TMEM38B: variants seen among roughly 807,000 people sequenced by gnomAD.
The protein encoded by TMEM38B is transmembrane protein 38B.
In TMEM38B, 24 loss-of-function variants were observed where a neutral mutation model predicts 28.7. That is an observed-to-expected ratio of 0.84 (90% CI 0.61 to 1.18). The LOEUF is 1.18. Among genes scored for constraint, TMEM38B ranks in the 50% most tolerant of loss-of-function variants. TMEM38B has a pLI of 0.00. For synonymous variants in TMEM38B, 131 were observed against 127.7 expected (o/e 1.03, Z -0.17); for missense variants, 380 against 350.9 (o/e 1.08, Z -0.66).
At chr9:105,704,170 C>T (rs1835561612) in intron 1 of TMEM38B, among the ~76,000 whole-genome samples, 1 of 151,902 alleles carries the variant, frequency 6.6e-6, no homozygotes, top group Non-Finnish European at 1.5e-5. Flanking sequence ...CAGCATGGCA[C>T]ATGTATACAT....
intron 4 of TMEM38B, among the ~76,000 whole-genome samples, chr9:105,743,750 T>G (rs2133610445): frequency 6.6e-6 from 1 of 152,306 alleles, no homozygotes; most frequent in East Asian, 1.9e-4. Context: ...AGTATTTACA[T>G]CATGGAAATG....
In TMEM38B at chr9:105,696,687, A is replaced by G. The variant is rs74916393; in HGVS notation, c.112+1915A>G. 4.7e-3 allele frequency among the ~76,000 whole-genome samples: 711 copies of G among 152,350 alleles called. 11 individuals are homozygous for G. The East Asian group carries it at 0.064, about 14-fold the overall frequency. On this transcript the variant is annotated intron_variant, in intron 1 of 5. Coordinates refer to ENST00000374692, the MANE Select transcript of TMEM38B (RefSeq NM_018112.3). ...TAAAAGGGACTTAAGAACAGAAGCCATGTCTTGGGTGGCCCCAAGGAGATG... is the reference window on the plus strand; with the variant it reads ...TAAAAGGGACTTAAGAACAGAAGCCGTGTCTTGGGTGGCCCCAAGGAGATG...
intron 5 of TMEM38B, among the ~76,000 whole-genome samples, chr9:105,771,146 T>A (rs1826530384): frequency 6.6e-6 from 1 of 152,204 alleles, no homozygotes; most frequent in African/African-American, 2.4e-5. Context: ...ATCTCCTTTT[T>A]AAGTAAGAGA....
chr9:105,702,070 A>G (rs968525390), intron 1 of TMEM38B, among the ~76,000 whole-genome samples: 2 of 152,182 alleles, frequency 1.3e-5, no homozygotes, highest in Non-Finnish European at 2.9e-5. Flanking sequence ...AAAAAAATTT[A>G]AAAACCAAAA....
intron 5 of TMEM38B, among the ~76,000 whole-genome samples, chr9:105,763,766 G>A (rs1360106210): frequency 6.6e-6 from 1 of 151,972 alleles, no homozygotes; most frequent in Non-Finnish European, 1.5e-5. Flanking sequence ...AAGCTGGGCA[G>A]AGACACAACC....
At chr9:105,706,811 A>G (rs1835686883) in intron 2 of TMEM38B, among the ~76,000 whole-genome samples, 1 of 152,024 alleles carries the variant, frequency 6.6e-6, no homozygotes, top group African/African-American at 2.4e-5. Flanking sequence ...AAGCAGAGGA[A>G]AACTTTTTTT....
intron 4 of TMEM38B, among the ~76,000 whole-genome samples, chr9:105,736,638 G>A (rs886331490): frequency 6.6e-6 from 1 of 152,130 alleles, no homozygotes; most frequent in Non-Finnish European, 1.5e-5. Flanking sequence ...GAGAATTACT[G>A]TGTTTCTTTT....
intron 1 of TMEM38B, among the ~76,000 whole-genome samples, chr9:105,699,702 A>G (rs1835401504): frequency 6.7e-6 from 1 of 149,512 alleles, no homozygotes; most frequent in South Asian, 2.1e-4. Context: ...CATAAAAGAC[A>G]TCAGGTAATA....
At chr9:105,729,979 T>A (rs1166907847) in intron 4 of TMEM38B, among the ~76,000 whole-genome samples, 1 of 152,226 alleles carries the variant, frequency 6.6e-6, no homozygotes, top group East Asian at 1.9e-4. Context: ...GATTTTAGGC[T>A]GAGACGATGG....
chr9:105,747,103 A>G (rs1179988621), intron 4 of TMEM38B, among the ~76,000 whole-genome samples: 8 of 152,090 alleles, frequency 5.3e-5, no homozygotes, highest in Non-Finnish European at 1.2e-4. Flanking sequence ...AATGAGTTAG[A>G]GAGGATTCCC....
intron 1 of TMEM38B, among the ~76,000 whole-genome samples, chr9:105,704,169 A>G (rs140911069): frequency 0.01 from 1,552 of 152,160 alleles, 26 homozygotes; most frequent in African/African-American, 0.035. Flanking sequence ...CCAGCATGGC[A>G]CATGTATACA....
intron 4 of TMEM38B, among the ~76,000 whole-genome samples, chr9:105,742,040 G>T (rs1837226151): frequency 6.6e-6 from 1 of 152,202 alleles, no homozygotes; most frequent in Non-Finnish European, 1.5e-5. Context: ...TGCATACACA[G>T]GAGACCCACT....
At position 105,748,125 on chromosome 9, in the gene TMEM38B, C is replaced by A; in HGVS notation, c.595C>A (p.Gln199Lys). 1 of 1,613,656 alleles carries A rather than the reference C, an allele frequency of 6.2e-7. No homozygotes were observed. Among genetic ancestry groups the A allele is most frequent in the Non-Finnish European group, 8.5e-7 (1 of 1,179,720 alleles). The change falls in exon 5 of 6, where the codon CAG becomes AAG. Residue 199 changes from glutamine to lysine, a missense_variant. Gln to Lys is a moderately conservative substitution (Grantham distance 53, BLOSUM62 1). Coordinates refer to ENST00000374692, the MANE Select transcript of TMEM38B (RefSeq NM_018112.3). ...AGTTATCTTCACATTCCAGCACACC[C>A]AGCATCTGGCAATATCAAAGCATAA... The part of the protein sequence containing the change: ...GSVIFTFQHT[Q>K]HLAISKHNLM...
intron 5 of TMEM38B, among the ~76,000 whole-genome samples, chr9:105,750,410 G>GGT (rs1315946711): frequency 3.3e-5 from 5 of 152,148 alleles, no homozygotes; most frequent in Non-Finnish European, 4.4e-5. Flanking sequence ...GATCACCTGA[G>GGT]GTCAGGAGTT....
chr9:105,774,176 C>CTA lies in TMEM38B; in HGVS notation c.*104_*105dup, dbSNP rs2133660765. 1 of 988,402 alleles carries CTA rather than the reference C, an allele frequency of 1.0e-6. No homozygotes were observed. The highest frequency in any genetic ancestry group is 1.5e-6 in the Non-Finnish European group (1 of 669,436). 61.2% of individuals were successfully genotyped at this position (988,402 alleles called of 1,614,324 possible). A position where few individuals can be genotyped will look rare whatever the true frequency, so the allele number is the denominator to read the frequency against. The stretch of plus-strand genomic sequence containing the variant: ...CTATGTATGTGATGTGAAATGAAGA[C>CTA]TATATATATGGAATGGAGGTGACAG... On this transcript the variant is annotated 3_prime_UTR_variant, in exon 6 of 6. Transcript: ENST00000374692.
At chr9:105,741,836 G>A (rs529958866) in intron 4 of TMEM38B, among the ~76,000 whole-genome samples, 2 of 152,338 alleles carry the variant, frequency 1.3e-5, no homozygotes, top group South Asian at 4.1e-4. Flanking sequence ...TATTGAGATT[G>A]CAAAGTTGAT....
chr9:105,764,767 A>G (rs1826306102), intron 5 of TMEM38B, among the ~76,000 whole-genome samples: 2 of 151,444 alleles, frequency 1.3e-5, no homozygotes, highest in Non-Finnish European at 2.9e-5. Flanking sequence ...AAGAGCCCGC[A>G]TCGCCAAGTC....
At chr9:105,760,089 A>C (rs1031976037) in intron 5 of TMEM38B, 1 of 975,372 alleles carries the variant, frequency 1.0e-6, no homozygotes, top group Non-Finnish European at 1.6e-6. Flanking sequence ...GTTTGCTGCA[A>C]CCTCATTTAG....
At chr9:105,730,383 C>G (rs1227020154) in intron 4 of TMEM38B, among the ~76,000 whole-genome samples, 2 of 152,072 alleles carry the variant, frequency 1.3e-5, no homozygotes, top group African/African-American at 4.8e-5. Flanking sequence ...TATTGATTTG[C>G]GTATGTTGAA....
Sources: gnomAD v4.1 joint callset for allele counts (sites outside exome capture counted in the v4.1 genomes callset) on GRCh38, gnomAD v4.1.1 for gene constraint, MANE v1.5 for transcripts, NCBI Gene and HGNC (gene_info 2026-07-23, HGNC 2026-07-21) for gene names.